The following REDIC1 variants were observed in gnomAD, a reference collection of about 807,000 sequenced individuals.
REDIC1 encodes regulator of DNA class I crossover intermediates 1, also known as HEI10 Interacting Protein 1.
chr12:39,777,171 G>A, the REDIC1 span, among the ~76,000 whole-genome samples: 1 of 152,004 alleles, frequency 6.6e-6, no homozygotes, highest in African/African-American at 2.4e-5. Context: ...CTTTCTTCCC[G>A]CTTCCTTTTA....
At chr12:39,843,490 A>G in the REDIC1 span, among the ~76,000 whole-genome samples, 1 of 152,130 alleles carries the variant, frequency 6.6e-6, no homozygotes. Context: ...TGTGAAAGAT[A>G]TAAATAATGT....
At chr12:39,906,968 G>A in the REDIC1 span, among the ~76,000 whole-genome samples, 22 of 152,130 alleles carry the variant, frequency 1.4e-4, no homozygotes, top group African/African-American at 5.3e-4. Context: ...AAAATCAGTT[G>A]CTCCAATTTT....
chr12:39,720,835 A>T, the REDIC1 span: 1 of 1,612,732 alleles, frequency 6.2e-7, no homozygotes. Flanking sequence ...AGATTCAAAT[A>T]GGATGACCAT....
At chr12:39,720,742 A>T in the REDIC1 span, 2 of 1,393,492 alleles carry the variant, frequency 1.4e-6, no homozygotes, top group African/African-American at 1.5e-5. Flanking sequence ...ATGCATTTTT[A>T]AAATGTAAGC....
chr12:39,687,807 A>G, the REDIC1 span, among the ~76,000 whole-genome samples: 3 of 152,220 alleles, frequency 2.0e-5, no homozygotes, highest in Non-Finnish European at 4.4e-5. Context: ...CCTTGCCATC[A>G]TAAGGGTGTA....
chr12:39,670,643 T>C, the REDIC1 span, among the ~76,000 whole-genome samples: 1 of 152,252 alleles, frequency 6.6e-6, no homozygotes, highest in Non-Finnish European at 1.5e-5. Flanking sequence ...ATAGGTTTTC[T>C]ATACCATTAA....
the REDIC1 span, among the ~76,000 whole-genome samples, chr12:39,807,726 A>G: frequency 2.0e-5 from 3 of 152,188 alleles, no homozygotes; most frequent in East Asian, 5.8e-4. Context: ...ATTTCTTCTA[A>G]GTGCACCCTT....
chr12:39,816,436 G>T, the REDIC1 span, among the ~76,000 whole-genome samples: 3 of 120,914 alleles, frequency 2.5e-5, no homozygotes, highest in Non-Finnish European at 5.1e-5. Flanking sequence ...GTTGTGGGGT[G>T]GGGGGAGGGG....
chr12:39,722,629 C>T, the REDIC1 span, among the ~76,000 whole-genome samples: 1 of 152,010 alleles, frequency 6.6e-6, no homozygotes, highest in Non-Finnish European at 1.5e-5. Flanking sequence ...CAAAGTCTAG[C>T]AATATTGAAA....
the REDIC1 span, chr12:39,692,124 T>C: frequency 6.5e-7 from 1 of 1,527,954 alleles, no homozygotes; most frequent in South Asian, 1.2e-5. Context: ...TCAGTATAAC[T>C]GTATAAGTTA....
At chr12:39,698,158 G>T in the REDIC1 span, among the ~76,000 whole-genome samples, 1 of 152,080 alleles carries the variant, frequency 6.6e-6, no homozygotes, top group African/African-American at 2.4e-5. Flanking sequence ...ACAAAAGAAG[G>T]TCATTATAAT....
chr12:39,797,580 C>T, the REDIC1 span, among the ~76,000 whole-genome samples: 1 of 152,116 alleles, frequency 6.6e-6, no homozygotes, highest in South Asian at 2.1e-4. Flanking sequence ...AGGACAACTT[C>T]GTCCCTTTTG....
At chr12:39,722,226 G>T in the REDIC1 span, among the ~76,000 whole-genome samples, 1 of 152,186 alleles carries the variant, frequency 6.6e-6, no homozygotes, top group East Asian at 1.9e-4. Flanking sequence ...ATTGCAATTT[G>T]GAGACACCAA....
the REDIC1 span, among the ~76,000 whole-genome samples, chr12:39,816,713 A>C: frequency 6.6e-6 from 1 of 152,128 alleles, no homozygotes; most frequent in South Asian, 2.1e-4. Flanking sequence ...GATGAAAAAC[A>C]AACAAATAAG....
the REDIC1 span, among the ~76,000 whole-genome samples, chr12:39,838,679 T>C: frequency 6.6e-6 from 1 of 152,078 alleles, no homozygotes; most frequent in African/African-American, 2.4e-5. Context: ...GGATGGCCTA[T>C]TTTCATTCAA....
chr12:39,785,269 C>T, the REDIC1 span, among the ~76,000 whole-genome samples: 125 of 152,292 alleles, frequency 8.2e-4, no homozygotes, highest in Non-Finnish European at 1.4e-3. Flanking sequence ...GACTTGGTGC[C>T]CTGTGTCCCA....
the REDIC1 span, among the ~76,000 whole-genome samples, chr12:39,827,004 G>C: frequency 4.7e-5 from 7 of 148,164 alleles, no homozygotes; most frequent in South Asian, 9.2e-4. Context: ...ACTTTTAATG[G>C]CAAAAAGTAA....
chr12:39,703,524 G>C, the REDIC1 span, among the ~76,000 whole-genome samples: 1 of 151,588 alleles, frequency 6.6e-6, no homozygotes, highest in Non-Finnish European at 1.5e-5. Flanking sequence ...GTAATTTACA[G>C]ATTCAATGCC....
At chr12:39,738,874 T>C in the REDIC1 span, among the ~76,000 whole-genome samples, 2 of 152,126 alleles carry the variant, frequency 1.3e-5, no homozygotes, top group Admixed American at 6.5e-5. Flanking sequence ...TTTCAGTGTA[T>C]GTCTTAATCT....
Sources: gnomAD v4.1 joint callset for allele counts (sites outside exome capture counted in the v4.1 genomes callset) on GRCh38, gnomAD v4.1.1 for gene constraint, MANE v1.5 for transcripts, NCBI Gene and HGNC (gene_info 2026-07-23, HGNC 2026-07-21) for gene names.